GULP1: variants seen among roughly 807,000 people sequenced by gnomAD.
GULP1 encodes PTB domain-containing engulfment adapter protein 1.
A neutral mutation model predicts 40.9 loss-of-function variants in GULP1; 19 were observed. The ratio of observed to expected loss-of-function variants is 0.46; its 90% CI spans 0.32 to 0.68. The LOEUF (loss-of-function observed/expected upper bound fraction) is 0.68. Among genes scored for constraint, GULP1 ranks in the 30% least tolerant of loss-of-function variants. The pLI, the probability that GULP1 is intolerant of heterozygous loss-of-function variation, is 0.03. For missense variants in GULP1, 312 were observed against 362.2 expected (o/e 0.86, Z 1.12); for synonymous variants, 119 against 117.6 (o/e 1.01, Z -0.08).
chr2:188,533,989 G>A (rs1688247714), intron 6 of GULP1, among the ~76,000 whole-genome samples: 1 of 152,154 alleles, frequency 6.6e-6, no homozygotes, highest in African/African-American at 2.4e-5. Flanking sequence ...ACAGATGCTG[G>A]TGAGATTGTG....
intron 4 of GULP1, among the ~76,000 whole-genome samples, chr2:188,520,273 C>A (rs1173144018): frequency 6.6e-6 from 1 of 152,052 alleles, no homozygotes; most frequent in Non-Finnish European, 1.5e-5. Context: ...CGTGGTGGCC[C>A]ACACCTGTAA....
intron 1 of GULP1, among the ~76,000 whole-genome samples, chr2:188,306,299 A>G (rs947315388): frequency 6.6e-6 from 1 of 152,194 alleles, no homozygotes; most frequent in African/African-American, 2.4e-5. Flanking sequence ...TTAACTTTAA[A>G]TAGTTTATTT....
Position 188,594,986 on chromosome 2 carries a change from G to C in GULP1, c.*975G>C, listed in dbSNP as rs187712492. ...TGATACTTTAAAATCTGTGGCACCC[G>C]TTCTACATGAATTATCAATATTTGG... On this transcript the variant is annotated 3_prime_UTR_variant, in exon 12 of 12. Coordinates refer to ENST00000409830, the MANE Select transcript of GULP1 (RefSeq NM_016315.4). The C allele has an allele frequency of 1.4e-5, 2 of 145,916 alleles. No homozygotes were observed. The highest frequency in any genetic ancestry group is 2.0e-4 in the East Asian group (1 of 4,980). The allele number at this position is 145,916 out of a possible 1,614,324, so 9.0% of individuals were successfully genotyped here.
chr2:188,301,592 A>C (rs191924694), intron 1 of GULP1, among the ~76,000 whole-genome samples: 1 of 152,292 alleles, frequency 6.6e-6, no homozygotes, highest in East Asian at 1.9e-4. Context: ...ATTCAAGGGA[A>C]TTTTAGATTA....
chr2:188,412,260 C>A (rs557783157), intron 2 of GULP1, among the ~76,000 whole-genome samples: 1 of 152,262 alleles, frequency 6.6e-6, no homozygotes, highest in Non-Finnish European at 1.5e-5. Context: ...AGAACTCACT[C>A]ACTTTCATGA....
intron 2 of GULP1, among the ~76,000 whole-genome samples, chr2:188,436,281 C>CACAAACTA (rs1559238570): frequency 1.3e-5 from 2 of 152,004 alleles, no homozygotes; most frequent in African/African-American, 4.8e-5. Context: ...TGGAGGAATT[C>CACAAACTA]ACAAACTAGC....
intron 4 of GULP1, among the ~76,000 whole-genome samples, chr2:188,501,630 G>A (rs2063443623): frequency 6.6e-6 from 1 of 151,884 alleles, no homozygotes; most frequent in Non-Finnish European, 1.5e-5. Context: ...AAGTAGAAAT[G>A]CCTCTTGTTA....
chr2:188,513,349 AT>A (rs2064804367), intron 4 of GULP1, among the ~76,000 whole-genome samples: 1 of 152,012 alleles, frequency 6.6e-6, no homozygotes, highest in African/African-American at 2.4e-5. Flanking sequence ...TTATCTGTCC[AT>A]TTTGCTTGGG....
chr2:188,406,506 A>G (rs2152686178), intron 2 of GULP1, among the ~76,000 whole-genome samples: 1 of 152,332 alleles, frequency 6.6e-6, no homozygotes, highest in African/African-American at 2.4e-5. Flanking sequence ...AAATAAATTT[A>G]AAAGAGAAGT....
In GULP1 at chr2:188,454,755, G is replaced by A. The variant is rs183645268; in HGVS notation, c.-44-22904G>A. On this transcript the variant is annotated intron_variant, in intron 2 of 11. Transcript: ENST00000409830. ...TTTAGTCACTGACCTTAGTTGTGAC[G>A]AAATCCACATTAGGCATAGGGACAC... is the stretch of plus-strand genomic sequence containing the variant. Among the ~76,000 whole-genome samples, 81 of 152,316 alleles carry A rather than the reference G, an allele frequency of 5.3e-4. 1 individual carries two copies. In the East Asian group the frequency reaches 0.01, roughly 20 times the overall value.
intron 2 of GULP1, among the ~76,000 whole-genome samples, chr2:188,421,592 G>A (rs1442750908): frequency 1.3e-5 from 2 of 152,070 alleles, no homozygotes; most frequent in Non-Finnish European, 2.9e-5. Flanking sequence ...TCAGGCTAAG[G>A]CTTAAAACCA....
chr2:188,301,698 G>T (rs1048393515), intron 1 of GULP1, among the ~76,000 whole-genome samples: 2 of 152,100 alleles, frequency 1.3e-5, no homozygotes, highest in African/African-American at 4.8e-5. Context: ...TGAAATGAGA[G>T]GACTAAGGGG....
In GULP1 at chr2:188,584,291, C is replaced by A; in HGVS notation, c.636C>A (p.Pro212=). 2 of 1,608,646 alleles carry A rather than the reference C, an allele frequency of 1.2e-6. No individual in the cohort carries two copies. The highest frequency in any genetic ancestry group is 2.2e-5 in the South Asian group (2 of 90,760). Residue 212 remains proline, a synonymous_variant, in exon 10 of 12, where the codon CCC becomes CCA. Coordinates refer to ENST00000409830, the MANE Select transcript of GULP1 (RefSeq NM_016315.4). ...PPAGSMTPKS[P]STDIFDMIPF... ...CAGGCAGTATGACACCTAAGTCGCC[C>A]TCCACTGACATCTTTGATATGATTC... is the stretch of plus-strand genomic sequence containing the variant.
intron 2 of GULP1, among the ~76,000 whole-genome samples, chr2:188,451,367 GA>G (rs146006614): frequency 0.024 from 3,540 of 150,324 alleles, 145 homozygotes; most frequent in African/African-American, 0.081. Context: ...ATGTTAATAG[GA>G]AAAAAAAAGT....
At chr2:188,390,769 C>T (rs1441667691) in intron 2 of GULP1, among the ~76,000 whole-genome samples, 1 of 151,800 alleles carries the variant, frequency 6.6e-6, no homozygotes, top group African/African-American at 2.4e-5. Context: ...AAGGATTTGA[C>T]CCATCTTGAG....
intron 1 of GULP1, among the ~76,000 whole-genome samples, chr2:188,336,101 CA>C (rs2042217668): frequency 6.6e-6 from 1 of 152,076 alleles, no homozygotes; most frequent in Non-Finnish European, 1.5e-5. Context: ...AAATCCTAAG[CA>C]GGTTATATTA....
intron 4 of GULP1, among the ~76,000 whole-genome samples, chr2:188,509,905 A>G (rs990524474): frequency 3.3e-5 from 5 of 152,072 alleles, no homozygotes; most frequent in Non-Finnish European, 7.4e-5. Flanking sequence ...GTTTGGGTCT[A>G]TTTTGTTCAC....
chr2:188,479,393 C>T (rs866139721), intron 3 of GULP1, among the ~76,000 whole-genome samples: 10 of 152,036 alleles, frequency 6.6e-5, no homozygotes, highest in Non-Finnish European at 8.8e-5. Context: ...GTGTTTCTTT[C>T]ATTTTTACTA....
intron 6 of GULP1, among the ~76,000 whole-genome samples, chr2:188,532,406 T>C (rs537283061): frequency 6.6e-6 from 1 of 152,272 alleles, no homozygotes; most frequent in East Asian, 1.9e-4. Context: ...CGCTACAAGA[T>C]GGCTACCACT....
Sources: allele counts gnomAD v4.1 joint callset (sites outside exome capture counted in the v4.1 genomes callset), GRCh38; gene constraint gnomAD v4.1.1; transcripts MANE v1.5; gene names NCBI Gene and HGNC (gene_info 2026-07-23, HGNC 2026-07-21).